Variants in EHD1 observed in about 807,000 individuals in gnomAD.
EHD1 encodes EH domain-containing protein 1.
Under a neutral mutation model 39.0 loss-of-function variants are expected in EHD1, and 19 were observed. That is an observed-to-expected ratio of 0.49 (90% CI 0.34 to 0.72). The LOEUF is 0.72. EHD1 is among the 30% of genes least tolerant of loss of function. The probability of loss-of-function intolerance (pLI) is 0.01; values close to 1 mark genes in which losing one functional copy is unlikely to be tolerated. For synonymous variants in EHD1, 323 were observed against 331.2 expected (o/e 0.98, Z 0.27); for missense variants, 542 against 751.5 (o/e 0.72, Z 3.26).
At chr11:64,866,691 A>C (rs1457743014) in intron 2 of EHD1, among the ~76,000 whole-genome samples, 1 of 152,058 alleles carries the variant, frequency 6.6e-6, no homozygotes, top group African/African-American at 2.4e-5. Flanking sequence ...AAAAAAAAAA[A>C]AAGAAAAGAA....
At position 64,876,354 on chromosome 11, in the gene EHD1, G is replaced by A. The variant is rs532606565; in HGVS notation, c.404+1707C>T. ...GCTCACTCCCCACACTACACATCCTGGCACAGCTCTGGGCCTCAGCGTGGG... is the reference window on the plus strand; with the variant it reads ...GCTCACTCCCCACACTACACATCCTAGCACAGCTCTGGGCCTCAGCGTGGG... On this transcript the variant is annotated intron_variant, in intron 1 of 4. Transcript: ENST00000320631. Among the ~76,000 whole-genome samples, 7 of 152,306 alleles carry A rather than the reference G, an allele frequency of 4.6e-5. No individual in the cohort carries two copies. In the South Asian group the frequency reaches 1.4e-3, roughly 32 times the overall value.
At chr11:64,865,791 A>T (rs553815412) in intron 2 of EHD1, among the ~76,000 whole-genome samples, 2 of 152,236 alleles carry the variant, frequency 1.3e-5, no homozygotes, top group African/African-American at 4.8e-5. Context: ...AGAAATGCAA[A>T]TCAAACCACA....
At chr11:64,878,834 C>A (rs1208348083), upstream of EHD1, 1 of 1,136,206 alleles carries the variant, frequency 8.8e-7, no homozygotes, top group Admixed American at 4.7e-5. Context: ...GGCAACCGCA[C>A]CTGTTTCGCC....
chr11:64,853,786 G>C lies in EHD1; in HGVS notation c.*547C>G, dbSNP rs1943610355. 1 of 157,550 alleles carries C rather than the reference G, an allele frequency of 6.3e-6. No individual in the cohort carries two copies. The highest frequency in any genetic ancestry group is 1.4e-5 in the Non-Finnish European group (1 of 70,724). 9.8% of individuals were successfully genotyped at this position (157,550 alleles called of 1,614,324 possible). On this transcript the variant is annotated 3_prime_UTR_variant, in exon 5 of 5. Coordinates refer to ENST00000320631, the MANE Select transcript of EHD1 (RefSeq NM_006795.4). Reference sequence around the variant, plus strand: ...GGCGCGGGAGGAAAGGGCAGGGCCCGCGCACGGGGAGCCTGGGCCCGGGAG... The same window carrying C: ...GGCGCGGGAGGAAAGGGCAGGGCCCCCGCACGGGGAGCCTGGGCCCGGGAG...
intron 2 of EHD1, among the ~76,000 whole-genome samples, chr11:64,861,710 A>G (rs1427019837): frequency 6.6e-6 from 1 of 152,190 alleles, no homozygotes; most frequent in East Asian, 1.9e-4. Context: ...TCGTTGTGAC[A>G]GAAACTATAA....
rs752251630 is a variant in EHD1, at chr11:64,854,315, G to A, written c.*18C>T. 2 of 1,587,246 alleles carry A rather than the reference G, an allele frequency of 1.3e-6. No individual in the cohort carries two copies. The highest frequency in any genetic ancestry group is 1.7e-6 in the Non-Finnish European group (2 of 1,168,756). On this transcript the variant is annotated 3_prime_UTR_variant, in exon 5 of 5. Transcript: ENST00000320631. ...TCCCGGCCGGGCGTGCAAATGGCAG[G>A]TGCGGGGCCGGGCGCCATCACTCAT...
At chr11:64,872,159 C>T (rs1414057677) in intron 2 of EHD1, among the ~76,000 whole-genome samples, 3 of 152,146 alleles carry the variant, frequency 2.0e-5, no homozygotes, top group Non-Finnish European at 2.9e-5. Flanking sequence ...CCCAGCTACT[C>T]GGGAGACTAA....
intron 2 of EHD1, among the ~76,000 whole-genome samples, chr11:64,862,189 G>A (rs1305157982): frequency 1.3e-5 from 2 of 152,222 alleles, no homozygotes; most frequent in African/African-American, 2.4e-5. Flanking sequence ...TGACAGGCCT[G>A]AGCCACCGCG....
chr11:64,878,729 T>TCCCAGCCCCG, upstream of EHD1: 1 of 1,047,858 alleles, frequency 9.5e-7, no homozygotes, highest in East Asian at 3.2e-5. Flanking sequence ...GAGGAGCCCC[T>TCCCAGCCCCG]CCCAGCCCCG....
chr11:64,878,329 G>T lies in EHD1; in HGVS notation c.136C>A (p.His46Asn). The T allele has an allele frequency of 6.2e-7, 1 of 1,614,126 alleles. No individual in the cohort carries two copies. Among genetic ancestry groups the T allele is most frequent in the Non-Finnish European group, 8.5e-7 (1 of 1,180,026 alleles). Reference sequence around the variant, plus strand: ...TCAGCGTCCTCCAGCGCGGGCGAGTGGAACTCGTGGAAGCGGTAGTGCTCC... The same window carrying T: ...TCAGCGTCCTCCAGCGCGGGCGAGTTGAACTCGTGGAAGCGGTAGTGCTCC... ...LEEHYRFHEF[H>N]SPALEDADFD... Residue 46 changes from histidine (H) to asparagine (N), a missense_variant, in exon 1 of 5, where the codon CAC (histidine) becomes AAC (asparagine). His to Asn is a moderately conservative substitution (Grantham distance 68). Transcript: ENST00000320631.
intron 1 of EHD1, among the ~76,000 whole-genome samples, chr11:64,875,024 G>A (rs901509009): frequency 6.6e-6 from 1 of 152,204 alleles, no homozygotes; most frequent in Admixed American, 6.5e-5. Flanking sequence ...CAAAAGCTGG[G>A]GACCACACAG....
Position 64,854,732 on chromosome 11 carries a change from G to A in EHD1, c.1206C>T (p.Ser402=). Residue 402 remains serine, a synonymous_variant, in exon 5 of 5, where the codon TCC becomes TCT. Transcript: ENST00000320631. ...RLMVMVRQEE[S]LMPSQVVKGG... ...CCTTGACCACCTGGGAAGGCATCAGGGACTCCTCCTGCCGCACCATCACCA... is the reference window on the plus strand; with the variant it reads ...CCTTGACCACCTGGGAAGGCATCAGAGACTCCTCCTGCCGCACCATCACCA... 1 of 1,612,366 alleles carries A rather than the reference G, an allele frequency of 6.2e-7. No individual in the cohort carries two copies. Among genetic ancestry groups the A allele is most frequent in the Non-Finnish European group, 8.5e-7 (1 of 1,180,008 alleles).
At chr11:64,878,931 G>C, upstream of EHD1, 1 of 1,016,446 alleles carries the variant, frequency 9.8e-7, no homozygotes, top group Non-Finnish European at 1.2e-6. Context: ...TGGGCCGCGC[G>C]CCTTCCGGCA....
At chr11:64,856,339 A>T in intron 3 of EHD1, 1 of 152,336 alleles carries the variant, frequency 6.6e-6, no homozygotes, top group Non-Finnish European at 1.5e-5. Flanking sequence ...GGCCCGTGCC[A>T]CGCTCCACTC....
Position 64,854,544 on chromosome 11 carries a change from G to GCGCCCGTGATCTTGCCGTTGA in EHD1, c.1373_1393dup (p.Val458_Gly464dup). The GCGCCCGTGATCTTGCCGTTGA allele has an allele frequency of 6.2e-7, 1 of 1,614,148 alleles. No homozygotes were observed. On this transcript the variant is annotated inframe_insertion, in exon 5 of 5. Coordinates refer to ENST00000320631, the MANE Select transcript of EHD1 (RefSeq NM_006795.4). ...CTTCACCATCTCCTTCTTGGCGTTG[G>GCGCCCGTGATCTTGCCGTTGA]CGCCCGTGATCTTGCCGTTGACAGG...
chr11:64,872,085 G>A (rs1311035473), intron 2 of EHD1, among the ~76,000 whole-genome samples: 1 of 152,196 alleles, frequency 6.6e-6, no homozygotes, highest in Non-Finnish European at 1.5e-5. Context: ...TCAGAGGGCA[G>A]GGGCCAAGGC....
chr11:64,860,454 G>A, intron 2 of EHD1, 118 bp from the exon 3 acceptor site: 1 of 1,373,058 alleles, frequency 7.3e-7, no homozygotes, highest in South Asian at 1.5e-5. Flanking sequence ...ATTCCTATAG[G>A]CCGGGCGTGG....
At position 64,859,960 on chromosome 11, in the gene EHD1, C is replaced by T. The variant is rs769477498; in HGVS notation, c.879G>A (p.Lys293=). The T allele has an allele frequency of 6.2e-7, 1 of 1,613,674 alleles. No homozygotes were observed. Among genetic ancestry groups the T allele is most frequent in the Non-Finnish European group, 8.5e-7 (1 of 1,179,956 alleles). ...QSLPRNAALR[K]LNDLIKRARL... ...GTGCCCGCTTGATCAGGTCATTGAG[C>T]TTCCTGAGGGCGGCGTTTCGGGGCA... The change falls in exon 3 of 5, where the codon AAG becomes AAA. Residue 293 remains lysine, a synonymous_variant. Transcript: ENST00000320631.
In EHD1 at chr11:64,868,332, G is replaced by A. The variant is rs982455864; in HGVS notation, c.502+6089C>T. ...GGGTTTTCCAGTGGAGCACAGAGGC[G>A]CCTCCGTTCCTCAGCATTTACCTGA... On this transcript the variant is annotated intron_variant, in intron 2 of 4. Coordinates refer to ENST00000320631, the MANE Select transcript of EHD1 (RefSeq NM_006795.4). The surrounding 1 kb of genome is among the most constrained non-coding windows in gnomAD (Gnocchi z 4.2). Among the ~76,000 whole-genome samples, 1 of 152,096 alleles carries A rather than the reference G, an allele frequency of 6.6e-6. No homozygotes were observed. Among genetic ancestry groups the A allele is most frequent in the Non-Finnish European group, 1.5e-5 (1 of 68,024 alleles).
Sources: gnomAD v4.1 joint callset for allele counts (sites outside exome capture counted in the v4.1 genomes callset) on GRCh38, gnomAD v4.1.1 for gene constraint, Gnocchi (gnomAD v3.1) non-coding constraint, MANE v1.5 for transcripts, NCBI Gene and HGNC (gene_info 2026-07-23, HGNC 2026-07-21) for gene names.